The following TTN variants were observed in gnomAD, a reference collection of about 807,000 sequenced individuals.
TTN encodes connectin.
TTN carries 1,525 observed loss-of-function variants against 3,223.0 expected under a neutral mutation model. That is an observed-to-expected ratio of 0.47 (90% CI 0.45 to 0.49). The LOEUF (loss-of-function observed/expected upper bound fraction) is 0.49. TTN is among the 20% of genes least tolerant of loss of function. TTN has a pLI of 0.00. For synonymous variants in TTN, 14,094 were observed against 15,161.0 expected (o/e 0.93, Z 5.17); for missense variants, 40,786 against 43,424.0 (o/e 0.94, Z 5.40).
Position 178,552,076 on chromosome 2 carries a change from A to G in TTN, c.90824T>C (p.Val30275Ala), listed in dbSNP as rs563222480. 1.2e-6 allele frequency: 2 copies of G among 1,613,630 alleles called. No homozygotes were observed. Among genetic ancestry groups the G allele is most frequent in the Non-Finnish European group, 1.7e-6 (2 of 1,179,768 alleles). ...AGTCGTTCTGGCAACACTTGAACACACCATCTTCCAGTTAGTTTGTGAAGT... is the reference window on the plus strand; with the variant it reads ...AGTCGTTCTGGCAACACTTGAACACGCCATCTTCCAGTTAGTTTGTGAAGT... The part of the protein sequence containing the change: ...RETSQTNWKM[V>A]CSSVARTTFK... Residue 30275 changes from valine (V) to alanine (A), a missense_variant, in exon 335 of 363, where the codon GTG (valine) becomes GCG (alanine). Coordinates refer to ENST00000589042, the MANE Select transcript of TTN (RefSeq NM_001267550.2).
rs397517551 is a variant in TTN at position 178,674,305 on chromosome 2, C to A, written c.34708+9G>T. ...ATTTTAAATGTTCAATCCTTAAAAGCGGTTATACCTCTAGGTGGTGCCACC... is the reference window on the plus strand; with the variant it reads ...ATTTTAAATGTTCAATCCTTAAAAGAGGTTATACCTCTAGGTGGTGCCACC... On this transcript the variant is annotated intron_variant, in intron 151 of 362. Coordinates refer to ENST00000589042, the MANE Select transcript of TTN (RefSeq NM_001267550.2). 46 of 1,525,972 alleles carry A rather than the reference C, an allele frequency of 3.0e-5. No individual in the cohort carries two copies. Among genetic ancestry groups the A allele is most frequent in the Non-Finnish European group, 3.9e-5 (43 of 1,112,408 alleles). The allele number at this position is 1,525,972 out of a possible 1,614,324, so 94.5% of individuals were successfully genotyped here. A position where few individuals can be genotyped will look rare whatever the true frequency, so the allele number is the denominator to read the frequency against.
intron 309 of TTN, 36 bp from the exon 310 acceptor site, chr2:178,585,004 G>A (rs1431704406): frequency 6.2e-7 from 1 of 1,606,330 alleles, no homozygotes; most frequent in South Asian, 1.1e-5. Context: ...GTAAGAACAA[G>A]GATTTGATAC....
chr2:178,736,468 A>G (rs765602205), intron 49 of TTN, among the ~76,000 whole-genome samples: 16 of 152,348 alleles, frequency 1.1e-4, no homozygotes, highest in Middle Eastern at 6.8e-3. Context: ...GAGTAGGGAT[A>G]TTAAGTGATA....
Position 178,601,154 on chromosome 2 carries a change from T to C in TTN, c.55750A>G (p.Ile18584Val), listed in dbSNP as rs760979964. Reference sequence around the variant, plus strand: ...GTGATGAGGCCAATCTTGAGTTTAATAGGAGGATCAGGAGGATCTGTAAAA... The same window carrying C: ...GTGATGAGGCCAATCTTGAGTTTAACAGGAGGATCAGGAGGATCTGTAAAA... Reference protein sequence around the residue: ...RDPIYPPDPPIKLKIGLITKN... With the variant: ...RDPIYPPDPPVKLKIGLITKN... The change falls in exon 288 of 363, where the codon ATT becomes GTT. Residue 18584 changes from isoleucine (I) to valine (V), a missense_variant. Coordinates refer to ENST00000589042, the MANE Select transcript of TTN (RefSeq NM_001267550.2). The C allele has an allele frequency of 4.5e-6, 7 of 1,541,126 alleles. No homozygotes were observed. Among genetic ancestry groups the C allele is most frequent in the East Asian group, 4.5e-5 (2 of 44,102 alleles).
chr2:178,728,398 C>G lies in TTN; in HGVS notation c.19427-1G>C, dbSNP rs768892489. The G allele has an allele frequency of 6.3e-7, 1 of 1,588,150 alleles. No homozygotes were observed. Among genetic ancestry groups the G allele is most frequent in the Non-Finnish European group, 8.6e-7 (1 of 1,166,818 alleles). On this transcript the variant is annotated splice_acceptor_variant, in intron 66 of 362. Coordinates refer to ENST00000589042, the MANE Select transcript of TTN (RefSeq NM_001267550.2). LOFTEE classifies it high-confidence loss of function. ...GTGAATGATGGAGGAATATTTTGAT[C>G]TGTCCAATGCAAACAGCAAAACACA...
rs142926566 is a variant in TTN, at chr2:178,774,011, C to T, written c.7157G>A (p.Gly2386Asp). 2.2e-5 allele frequency: 35 copies of T among 1,614,068 alleles called. 1 individual carries two copies. The Middle Eastern group carries it at 4.9e-4, about 23-fold the overall frequency. ...TTCTTGGCCGTCTTTCATCCAGACG[C>T]CTTCCACACTTTCCAAGGAGACTTT... The part of the protein sequence containing the change: ...EVKVSLESVE[G>D]VWMKDGQEVQ... Residue 2386 changes from glycine to aspartate, a missense_variant, in exon 31 of 363, where the codon GGC (glycine) becomes GAC (aspartate). Transcript: ENST00000589042.
At position 178,677,295 on chromosome 2, in the gene TTN, A is replaced by G; in HGVS notation, c.34292-8T>C. ...TCTTTGGCACTTCAGGCACTTAAAAACATTTCATTTGAAGGCATTAAAAAC... is the reference window on the plus strand; with the variant it reads ...TCTTTGGCACTTCAGGCACTTAAAAGCATTTCATTTGAAGGCATTAAAAAC... On this transcript the variant is annotated splice_region_variant and splice_polypyrimidine_tract_variant and intron_variant, in intron 146 of 362. Coordinates refer to ENST00000589042, the MANE Select transcript of TTN (RefSeq NM_001267550.2). The G allele has an allele frequency of 8.4e-7, 1 of 1,194,168 alleles. No individual in the cohort carries two copies. The allele number at this position is 1,194,168 out of a possible 1,614,324, so 74.0% of individuals were successfully genotyped here. A position where few individuals can be genotyped will look rare whatever the true frequency, so the allele number is the denominator to read the frequency against.
chr2:178,535,885 A>G, intron 357 of TTN, 36 bp from the exon 358 acceptor site: 1 of 1,508,336 alleles, frequency 6.6e-7, no homozygotes, highest in Non-Finnish European at 8.8e-7. Flanking sequence ...AATATAATTT[A>G]GCAACATCTA....
intron 157 of TTN, 48 bp downstream of exon 157, chr2:178,670,170 G>T: frequency 7.9e-7 from 1 of 1,263,548 alleles, no homozygotes; most frequent in Non-Finnish European, 1.0e-6. Flanking sequence ...CATAGTAAGT[G>T]AATAAAAAAG....
At chr2:178,540,656 C>T (rs184505033) in intron 350 of TTN, among the ~76,000 whole-genome samples, 7 of 152,088 alleles carry the variant, frequency 4.6e-5, no homozygotes, top group African/African-American at 9.6e-5. Flanking sequence ...ATTAGCCATG[C>T]GTGGTGGCAG....
chr2:178,575,496 T>C lies in TTN; in HGVS notation c.70636A>G (p.Lys23546Glu). 6.2e-7 allele frequency: 1 copy of C among 1,613,690 alleles called. No individual in the cohort carries two copies. Among genetic ancestry groups the C allele is most frequent in the Non-Finnish European group, 8.5e-7 (1 of 1,179,660 alleles). The change falls in exon 326 of 363, where the codon AAG (lysine) becomes GAG (glutamate). Residue 23546 changes from lysine (K) to glutamate (E), a missense_variant. Transcript: ENST00000589042. This position sits in a 1 kb window ranked among gnomAD's most constrained non-coding sequence, Gnocchi z 4.0. The stretch of plus-strand genomic sequence containing the variant: ...GGCCATGCCAGGCTGACGGTGCTCT[T>C]AGTTATGTCCATGATGTTAAGGCTG... The part of the protein sequence containing the change: ...PDSLNIMDIT[K>E]STVSLAWPKP...
chr2:178,774,454 C>A lies in TTN; in HGVS notation c.6810G>T (p.Val2270=). ...LIVEGAVVEF[V]KELQDIEVPE... is the part of the protein sequence containing the mutation. ...GAACTTCTATGTCCTGAAGTTCTTT[C>A]ACAAACTCAACAACTGCACCTGAAG... is the stretch of plus-strand genomic sequence containing the variant. The change falls in exon 30 of 363, where the codon GTG becomes GTT. Residue 2270 remains valine, a synonymous_variant. Coordinates refer to ENST00000589042, the MANE Select transcript of TTN (RefSeq NM_001267550.2). 1.2e-6 allele frequency: 2 copies of A among 1,612,928 alleles called. No homozygotes were observed. The highest frequency in any genetic ancestry group is 1.7e-6 in the Non-Finnish European group (2 of 1,179,902).
Position 178,722,787 on chromosome 2 carries a change from G to A in TTN, c.22112C>T (p.Thr7371Ile), listed in dbSNP as rs794729626. The A allele has an allele frequency of 5.0e-6, 8 of 1,613,172 alleles. No individual in the cohort carries two copies. In the Admixed American group the frequency reaches 5.0e-5, roughly 10 times the overall value. The stretch of plus-strand genomic sequence containing the variant: ...TGTGGCCACATTGTTTGTAAAGTAG[G>A]TCCTGTATTCAGGAGTTGGCCGTAA... ...TKLRPTPEYR[T>I]YFTNNVATLV... The change falls in exon 76 of 363, where the codon ACC becomes ATC. Residue 7371 changes from threonine (T) to isoleucine (I), a missense_variant. Thr to Ile is a moderately conservative substitution (Grantham distance 89, BLOSUM62 -1). Transcript: ENST00000589042.
Position 178,540,098 on chromosome 2 carries a change from G to A in TTN, c.98068C>T (p.Pro32690Ser), listed in dbSNP as rs1161513687. Residue 32690 changes from proline (P) to serine (S), a missense_variant, in exon 351 of 363, where the codon CCA becomes TCA. Physicochemically the swap from Pro to Ser is moderately conservative, Grantham distance 74 (BLOSUM62 -1). Coordinates refer to ENST00000589042, the MANE Select transcript of TTN (RefSeq NM_001267550.2). ...AGGPGEPAEV[P>S]GTVKVTEMLE... ...ATTTCAGTGACTTTGACTGTTCCTG[G>A]TACCTCAGCAGGCTCACCAGGTCCA... 1 of 1,607,886 alleles carries A rather than the reference G, an allele frequency of 6.2e-7. No homozygotes were observed. Among genetic ancestry groups the A allele is most frequent in the East Asian group, 2.2e-5 (1 of 44,808 alleles).
intron 102 of TTN, 105 bp from the exon 103 acceptor site, chr2:178,705,462 CT>C (rs2075712031): frequency 2.3e-6 from 2 of 886,724 alleles, no homozygotes; most frequent in East Asian, 5.7e-5. Context: ...TTTCTATGTT[CT>C]TTATTCAATA....
In TTN at chr2:178,681,436, C is replaced by A; in HGVS notation, c.33187G>T (p.Val11063Phe). The A allele has an allele frequency of 6.2e-7, 1 of 1,610,180 alleles. No homozygotes were observed. The highest frequency in any genetic ancestry group is 1.1e-5 in the South Asian group (1 of 90,344). Reference sequence around the variant, plus strand: ...GGCACTGGTACTTTTTCTTCAGGGACAGCTTTCTTCAGCACTTCAAAATAT... The same window carrying A: ...GGCACTGGTACTTTTTCTTCAGGGAAAGCTTTCTTCAGCACTTCAAAATAT... ...APPAKVLKKA[V>F]PEEKVPVPIP... The change falls in exon 137 of 363, where the codon GTC becomes TTC. Residue 11063 changes from valine to phenylalanine, a missense_variant. Val to Phe is a conservative substitution (Grantham distance 50). Coordinates refer to ENST00000589042, the MANE Select transcript of TTN (RefSeq NM_001267550.2).
At chr2:178,727,516 CA>C (rs1174872772) in intron 68 of TTN, 68 bp downstream of exon 68, 3 of 1,516,234 alleles carry the variant, frequency 2.0e-6, no homozygotes, top group Non-Finnish European at 2.6e-6. Context: ...TGTTTAGAGA[CA>C]TTGTAACTGA....
rs549597431 is a variant in TTN at position 178,694,637 on chromosome 2, G to A, written c.31388C>T (p.Ser10463Phe). The change falls in exon 117 of 363, where the codon TCC becomes TTC. Residue 10463 changes from serine to phenylalanine, a missense_variant. Physicochemically the swap from Ser to Phe is radical, Grantham distance 155. Transcript: ENST00000589042. ...AACTTCTTCCTGTACTGGAGTCCGG[G>A]AAGGTTTTTGTGGAACAATCTTCTT... ...VSKKIVPQKP[S>F]RTPVQEEVIE... 1.9e-6 allele frequency: 3 copies of A among 1,559,800 alleles called. No homozygotes were observed. Among genetic ancestry groups the A allele is most frequent in the East Asian group, 4.7e-5 (2 of 42,324 alleles).
chr2:178,630,190 T>C, intron 239 of TTN, 51 bp downstream of exon 239: 1 of 1,607,742 alleles, frequency 6.2e-7, no homozygotes, highest in Non-Finnish European at 8.5e-7. Flanking sequence ...CTCACATTCA[T>C]TTTCTGAAAA....
Sources: allele counts gnomAD v4.1 joint callset (sites outside exome capture counted in the v4.1 genomes callset), GRCh38; gene constraint gnomAD v4.1.1; non-coding constraint Gnocchi (gnomAD v3.1); transcripts MANE v1.5; gene names NCBI Gene and HGNC (gene_info 2026-07-23, HGNC 2026-07-21).